Variants in CIT observed in about 807,000 individuals in gnomAD.
CIT encodes citron rho-interacting serine/threonine kinase, also known as citron Rho-interacting kinase.
In CIT, 79 loss-of-function variants were observed where a neutral mutation model predicts 272.7. That is an observed-to-expected ratio of 0.29 (90% CI 0.24 to 0.35). The LOEUF (loss-of-function observed/expected upper bound fraction) is 0.35. Ranked by LOEUF, CIT falls within the 10% of genes least tolerant of loss-of-function variation. The pLI is 1.00. For synonymous variants in CIT, 948 were observed against 995.6 expected (o/e 0.95, Z 0.90); for missense variants, 1,909 against 2,618.3 (o/e 0.73, Z 5.91).
intron 5 of CIT, among the ~76,000 whole-genome samples, chr12:119,848,785 G>A (rs991997650): frequency 3.3e-5 from 5 of 152,132 alleles, no homozygotes; most frequent in Non-Finnish European, 5.9e-5. Flanking sequence ...CAGCACTTTG[G>A]AAGGCCAAGG....
At chr12:119,876,736 C>T (rs1021412029) in intron 1 of CIT, among the ~76,000 whole-genome samples, 6 of 152,046 alleles carry the variant, frequency 3.9e-5, no homozygotes, top group Non-Finnish European at 7.4e-5. Context: ...GAAAGACATC[C>T]GTGGCAAACG....
intron 24 of CIT, among the ~76,000 whole-genome samples, chr12:119,741,698 G>A (rs1174860761): frequency 2.6e-5 from 4 of 152,100 alleles, no homozygotes; most frequent in Non-Finnish European, 5.9e-5. Context: ...GTAATAAAGT[G>A]ACAAAAAGGC....
chr12:119,870,243 C>T (rs1950628224), intron 2 of CIT, among the ~76,000 whole-genome samples: 1 of 152,138 alleles, frequency 6.6e-6, no homozygotes, highest in Admixed American at 6.6e-5. Context: ...CAGTTCAGGG[C>T]AGTGCCTTTA....
At chr12:119,772,502 A>G (rs1963279037) in intron 17 of CIT, among the ~76,000 whole-genome samples, 1 of 152,214 alleles carries the variant, frequency 6.6e-6, no homozygotes, top group Admixed American at 6.5e-5. Context: ...ATAAAAATCA[A>G]AATTCTCCCA....
intron 27 of CIT, among the ~76,000 whole-genome samples, chr12:119,729,366 A>G (rs542094624): frequency 6.6e-6 from 1 of 152,328 alleles, no homozygotes; most frequent in South Asian, 2.1e-4. Flanking sequence ...GAAAATAATC[A>G]TGGATGTCCA....
In CIT at chr12:119,830,360, G is replaced by A. The variant is rs909607648; in HGVS notation, c.753+2411C>T. ...GGTTGTTACAATTATAACTGAAAAGGGCAGTCTGAAGCACTAAAAAATTGA... is the reference window on the plus strand; with the variant it reads ...GGTTGTTACAATTATAACTGAAAAGAGCAGTCTGAAGCACTAAAAAATTGA... On this transcript the variant is annotated intron_variant, in intron 7 of 47. Transcript: ENST00000392521. Among the ~76,000 whole-genome samples the A allele has an allele frequency of 3.3e-5, 5 of 151,248 alleles. No homozygotes were observed. In the East Asian group the frequency reaches 9.7e-4, roughly 29 times the overall value.
intron 5 of CIT, among the ~76,000 whole-genome samples, chr12:119,837,427 A>C (rs1969089471): frequency 6.6e-6 from 1 of 152,248 alleles, no homozygotes; most frequent in African/African-American, 2.4e-5. Flanking sequence ...TGGATTGTTA[A>C]AATGGTACCA....
chr12:119,732,371 C>T (rs997935211), intron 26 of CIT, among the ~76,000 whole-genome samples: 43 of 151,954 alleles, frequency 2.8e-4, no homozygotes, highest in Admixed American at 1.9e-3. Flanking sequence ...CAGATCCTAC[C>T]CCAAAAATGA....
At chr12:119,810,996 G>A (rs1358349880) in intron 9 of CIT, among the ~76,000 whole-genome samples, 1 of 152,146 alleles carries the variant, frequency 6.6e-6, no homozygotes, top group African/African-American at 2.4e-5. Context: ...CTAGGAAGTG[G>A]TCAGGCATGA....
At chr12:119,775,619 T>C (rs750319447) in intron 16 of CIT, among the ~76,000 whole-genome samples, 167 bp downstream of exon 16, 1 of 152,268 alleles carries the variant, frequency 6.6e-6, no homozygotes, top group Admixed American at 6.5e-5. Flanking sequence ...GGAAAAACTA[T>C]ATTCAGAACT....
intron 32 of CIT, among the ~76,000 whole-genome samples, chr12:119,716,604 CCTTTT>C (rs1335823821): frequency 6.6e-6 from 1 of 152,010 alleles, no homozygotes; most frequent in East Asian, 1.9e-4. Context: ...GCTTCCTTGG[CCTTTT>C]CTTAAGTCCT....
chr12:119,708,378 T>C lies in CIT; in HGVS notation c.5072-60A>G, dbSNP rs1018619680. The C allele has an allele frequency of 2.1e-6, 3 of 1,415,632 alleles. No homozygotes were observed. In the African/African-American group the frequency reaches 4.4e-5, roughly 21 times the overall value. 87.7% of individuals were successfully genotyped at this position (1,415,632 alleles called of 1,614,324 possible). A position where few individuals can be genotyped will look rare whatever the true frequency, so the allele number is the denominator to read the frequency against. ...GAAGCCGTTAAGTAAAGGTACGGGA[T>C]GGTGGTTCTAGTTCTAGTCACAAGT... On this transcript the variant is annotated intron_variant, in intron 39 of 47. Transcript: ENST00000392521.
rs1227117451 is a variant in CIT at position 119,874,219 on chromosome 12, G to A, written c.96+1854C>T. On this transcript the variant is annotated intron_variant, in intron 2 of 47. Coordinates refer to ENST00000392521, the MANE Select transcript of CIT (RefSeq NM_001206999.2). ...AGTAGCTGGGATTACAGGTACATGC[G>A]ACCACCATGCCCAGCTAATTTTCTA... Among the ~76,000 whole-genome samples, 8 of 151,904 alleles carry A rather than the reference G, an allele frequency of 5.3e-5. No individual in the cohort carries two copies. The East Asian group carries it at 5.8e-4, about 11-fold the overall frequency.
chr12:119,834,273 T>C, intron 5 of CIT, 45 bp from the exon 6 acceptor site: 4 of 1,516,452 alleles, frequency 2.6e-6, no homozygotes, highest in Non-Finnish European at 3.6e-6. Flanking sequence ...CACCCAAAAA[T>C]AGGGAATGCC....
intron 10 of CIT, among the ~76,000 whole-genome samples, chr12:119,797,398 C>T (rs995104391): frequency 3.9e-5 from 6 of 152,156 alleles, no homozygotes; most frequent in African/African-American, 1.2e-4. Context: ...ACAAGCTGTG[C>T]TTGGCTAAGA....
intron 37 of CIT, chr12:119,711,009 C>T (rs1565921278): frequency 3.7e-6 from 5 of 1,365,946 alleles, no homozygotes; most frequent in Middle Eastern, 2.1e-4. Context: ...GCAAAGGCGC[C>T]GTGTTAGCAG....
chr12:119,876,294 C>G, intron 1 of CIT, 113 bp from the exon 2 acceptor site: 2 of 624,608 alleles, frequency 3.2e-6, no homozygotes, highest in South Asian at 4.1e-5. Flanking sequence ...TCAGCTACCA[C>G]TCCAGTTTTA....
At chr12:119,766,755 C>T (rs1962498628) in intron 19 of CIT, among the ~76,000 whole-genome samples, 1 of 151,398 alleles carries the variant, frequency 6.6e-6, no homozygotes. Flanking sequence ...AATATATACA[C>T]CTACTATGTA....
At chr12:119,815,029 C>T in intron 9 of CIT, among the ~76,000 whole-genome samples, 1 of 138,402 alleles carries the variant, frequency 7.2e-6, no homozygotes, top group South Asian at 2.4e-4. Context: ...CAGAGGAAGA[C>T]TCTGTCTCAA....
Sources: allele counts gnomAD v4.1 joint callset (sites outside exome capture counted in the v4.1 genomes callset), GRCh38; gene constraint gnomAD v4.1.1; transcripts MANE v1.5; gene names NCBI Gene and HGNC (gene_info 2026-07-23, HGNC 2026-07-21).